SOS1: variants seen among roughly 807,000 people sequenced by gnomAD.
SOS1 encodes the protein son of sevenless homolog 1.
In SOS1, 25 loss-of-function variants were observed where a neutral mutation model predicts 157.6. The observed-to-expected ratio is 0.16, with a 90% CI of 0.12 to 0.22. SOS1 has a LOEUF of 0.22. Among genes scored for constraint, SOS1 ranks in the 10% least tolerant of loss-of-function variants. The pLI, the probability that SOS1 is intolerant of heterozygous loss-of-function variation, is 1.00. For missense variants in SOS1, 1,237 were observed against 1,599.1 expected (o/e 0.77, Z 3.86); for synonymous variants, 528 against 534.0 (o/e 0.99, Z 0.16).
At chr2:38,991,916 G>GA (rs1054680650) in intron 20 of SOS1, among the ~76,000 whole-genome samples, 2 of 151,944 alleles carry the variant, frequency 1.3e-5, no homozygotes, top group East Asian at 1.9e-4. Flanking sequence ...ATTATTTTGG[G>GA]AAAAAACCGT....
intron 1 of SOS1, among the ~76,000 whole-genome samples, chr2:39,117,345 G>C (rs2148237272): frequency 6.6e-6 from 1 of 152,152 alleles, no homozygotes; most frequent in East Asian, 1.9e-4. Context: ...TACCTTTTTA[G>C]CCTGAGTGTC....
chr2:39,068,940 T>C (rs1285661058), intron 1 of SOS1, among the ~76,000 whole-genome samples: 2 of 152,090 alleles, frequency 1.3e-5, no homozygotes, highest in Non-Finnish European at 2.9e-5. Flanking sequence ...GGGCACTTAC[T>C]GGATGAAAGT....
At chr2:39,098,298 T>C in intron 1 of SOS1, 1 of 251,278 alleles carries the variant, frequency 4.0e-6, no homozygotes, top group South Asian at 5.7e-5. Flanking sequence ...TACTTTAGAG[T>C]CTGATCCAAC....
chr2:39,054,636 T>C lies in SOS1; in HGVS notation c.698A>G (p.Asn233Ser), dbSNP rs144934321. 3.6e-5 allele frequency: 56 copies of C among 1,573,174 alleles called. No individual in the cohort carries two copies. In the African/African-American group the frequency reaches 7.3e-4, roughly 20 times the overall value. Residue 233 changes from asparagine (N) to serine (S), a missense_variant, in exon 5 of 23, where the codon AAT becomes AGT. This residue lies in a region of SOS1 where 108 missense variants were observed against 115.3 expected (regional missense o/e 0.94). Coordinates refer to ENST00000402219, the MANE Select transcript of SOS1 (RefSeq NM_005633.4). ...TACATTAGCTGAAAACAATTTTGAA[T>C]TGGAGACAAAGGGCTCTCTAAAAAC... Reference protein sequence around the residue: ...IKVFREPFVSNSKLFSANDVE... With the variant: ...IKVFREPFVSSSKLFSANDVE...
At chr2:39,102,168 G>A (rs1036184756) in intron 1 of SOS1, among the ~76,000 whole-genome samples, 5 of 120,788 alleles carry the variant, frequency 4.1e-5, no homozygotes, top group Non-Finnish European at 6.4e-5. Flanking sequence ...TCATGCCATT[G>A]CATTCCAGCC....
At chr2:39,116,471 C>T (rs1673654611) in intron 1 of SOS1, among the ~76,000 whole-genome samples, 1 of 152,230 alleles carries the variant, frequency 6.6e-6, no homozygotes, top group African/African-American at 2.4e-5. Flanking sequence ...TTAAACTAGG[C>T]TTCTAACTTT....
chr2:39,038,257 T>A (rs985571039), intron 6 of SOS1, among the ~76,000 whole-genome samples: 10 of 152,060 alleles, frequency 6.6e-5, no homozygotes, highest in African/African-American at 1.2e-4. Flanking sequence ...TTGGAAGAAG[T>A]TGATTCCAAC....
intron 1 of SOS1, among the ~76,000 whole-genome samples, chr2:39,080,737 A>G (rs950103030): frequency 2.0e-5 from 3 of 152,152 alleles, no homozygotes; most frequent in African/African-American, 7.2e-5. Context: ...AGATTTTACA[A>G]GTTTTTAACT....
chr2:39,098,307 A>G (rs1311336120), intron 1 of SOS1: 2 of 252,070 alleles, frequency 7.9e-6, no homozygotes, highest in Non-Finnish European at 1.6e-5. Context: ...GTCTGATCCA[A>G]CATCTACTGT....
chr2:39,077,675 T>A (rs1216750396), intron 1 of SOS1, among the ~76,000 whole-genome samples: 1 of 152,166 alleles, frequency 6.6e-6, no homozygotes, highest in East Asian at 1.9e-4. Flanking sequence ...TGTATACAGA[T>A]CTTGTATGAA....
chr2:39,034,552 T>C (rs189575020), intron 8 of SOS1, among the ~76,000 whole-genome samples: 46 of 152,352 alleles, frequency 3.0e-4, no homozygotes, highest in Admixed American at 8.5e-4. Flanking sequence ...AGCTACACTA[T>C]TGAATTATAA....
rs992303434 is a variant in SOS1, at chr2:39,006,592, A to G, written c.2674-63T>C. 5 of 838,806 alleles carry G rather than the reference A, an allele frequency of 6.0e-6. No individual in the cohort carries two copies. The African/African-American group carries it at 8.4e-5, about 14-fold the overall frequency. 52.0% of individuals were successfully genotyped at this position (838,806 alleles called of 1,614,324 possible). ...AATCAAAGGTCTTGTCAAAAAAAAT[A>G]CTAGGCTAACAGAAACGCCCAAATA... On this transcript the variant is annotated intron_variant, in intron 16 of 22. Coordinates refer to ENST00000402219, the MANE Select transcript of SOS1 (RefSeq NM_005633.4).
chr2:39,014,658 T>G (rs560352818), intron 11 of SOS1, 107 bp downstream of exon 11: 131 of 567,030 alleles, frequency 2.3e-4, no homozygotes, highest in Admixed American at 2.1e-3. Flanking sequence ...GAAAAAGTGC[T>G]TGTGAAGTAT....
At chr2:39,036,406 C>T (rs1488933329) in intron 6 of SOS1, among the ~76,000 whole-genome samples, 1 of 151,966 alleles carries the variant, frequency 6.6e-6, no homozygotes, top group Non-Finnish European at 1.5e-5. Context: ...GCTAGAGTGC[C>T]GTAGTGCAAT....
At chr2:39,057,648 C>T (rs1671257411) in intron 3 of SOS1, among the ~76,000 whole-genome samples, 2 of 151,928 alleles carry the variant, frequency 1.3e-5, no homozygotes, top group Non-Finnish European at 1.5e-5. Context: ...AAATGATATT[C>T]ACAATTAGCA....
At chr2:39,087,601 G>C (rs150624115) in intron 1 of SOS1, among the ~76,000 whole-genome samples, 1 of 152,148 alleles carries the variant, frequency 6.6e-6, no homozygotes, top group Non-Finnish European at 1.5e-5. Context: ...CAAGCGTCTC[G>C]CCTGAAAATG....
chr2:39,020,944 A>G (rs1669775331), intron 10 of SOS1, among the ~76,000 whole-genome samples: 1 of 151,632 alleles, frequency 6.6e-6, no homozygotes, highest in African/African-American at 2.4e-5. Context: ...TTTCTCAAAA[A>G]ATTATTGGAA....
chr2:39,006,254 T>C (rs1468411875), intron 17 of SOS1, among the ~76,000 whole-genome samples, 158 bp downstream of exon 17: 2 of 152,184 alleles, frequency 1.3e-5, no homozygotes, highest in Non-Finnish European at 2.9e-5. Flanking sequence ...TCACCTTAAG[T>C]CTTAATGAGA....
In SOS1 at chr2:39,045,396, T is replaced by C. The variant is rs184645214; in HGVS notation, c.864+5748A>G. The stretch of plus-strand genomic sequence containing the variant: ...GGAGACCTGTTAAAATTTCCTATGA[T>C]AGCAATTTTTTTCATTTCTTATAAT... On this transcript the variant is annotated intron_variant, in intron 6 of 22. Transcript: ENST00000402219. Among the ~76,000 whole-genome samples, 8 of 152,240 alleles carry C rather than the reference T, an allele frequency of 5.3e-5. No homozygotes were observed. In the East Asian group the frequency reaches 9.7e-4, roughly 18 times the overall value.
Sources: allele counts gnomAD v4.1 joint callset (sites outside exome capture counted in the v4.1 genomes callset), GRCh38; gene constraint gnomAD v4.1.1; regional missense constraint gnomAD v4.1.1; transcripts MANE v1.5; gene names NCBI Gene and HGNC (gene_info 2026-07-23, HGNC 2026-07-21).